DNAH7: variants seen among roughly 807,000 people sequenced by gnomAD.
DNAH7 encodes the protein dynein axonemal heavy chain 7.
A neutral mutation model predicts 444.6 loss-of-function variants in DNAH7; 397 were observed. That is an observed-to-expected ratio of 0.89 (90% CI 0.82 to 0.97). The LOEUF (loss-of-function observed/expected upper bound fraction) is 0.97, where lower values mean the gene tolerates loss of function less well. Ranked by LOEUF, DNAH7 falls within the 50% of genes least tolerant of loss-of-function variation. The probability of loss-of-function intolerance (pLI) is 0.00; values close to 1 mark genes in which losing one functional copy is unlikely to be tolerated. For missense variants in DNAH7, 4,902 were observed against 4,800.8 expected, an observed-to-expected ratio of 1.02 and a Z score of -0.62; for synonymous variants, 1,636 against 1,624.4, an observed-to-expected ratio of 1.01 and a Z score of -0.17.
chr2:195,950,079 TC>T (rs1292266933), intron 19 of DNAH7, among the ~76,000 whole-genome samples: 3 of 152,180 alleles, frequency 2.0e-5, no homozygotes, highest in Admixed American at 2.0e-4. Flanking sequence ...TTGTTGTGTC[TC>T]TGCCAGGTTT....
chr2:196,032,950 A>C (rs571762522), intron 5 of DNAH7, among the ~76,000 whole-genome samples: 51 of 152,350 alleles, frequency 3.3e-4, no homozygotes, highest in Admixed American at 2.7e-3. Flanking sequence ...TTGCACTAAT[A>C]TATAAAAAGC....
chr2:195,870,568 A>T (rs1700617505), intron 40 of DNAH7, among the ~76,000 whole-genome samples: 1 of 152,198 alleles, frequency 6.6e-6, no homozygotes, highest in South Asian at 2.1e-4. Flanking sequence ...TTCCCCCTAA[A>T]TTTATATGTT....
chr2:196,039,285 T>TA (rs1423357973), intron 5 of DNAH7, among the ~76,000 whole-genome samples: 1 of 151,952 alleles, frequency 6.6e-6, no homozygotes, highest in Non-Finnish European at 1.5e-5. Flanking sequence ...AAGATGGAAA[T>TA]AAAAAATTTC....
chr2:195,897,098 C>T (rs1313141502), intron 29 of DNAH7, among the ~76,000 whole-genome samples: 1 of 152,094 alleles, frequency 6.6e-6, no homozygotes, highest in Non-Finnish European at 1.5e-5. Context: ...AGTTCTTCTA[C>T]CTGGTATGGA....
intron 24 of DNAH7, among the ~76,000 whole-genome samples, chr2:195,916,383 T>A (rs928232005): frequency 3.3e-5 from 5 of 152,108 alleles, no homozygotes; most frequent in Admixed American, 6.5e-5. Context: ...TGGAGTGTGG[T>A]TGTTACAGTA....
chr2:195,943,254 T>G (rs1266016482), intron 19 of DNAH7, among the ~76,000 whole-genome samples: 4 of 152,144 alleles, frequency 2.6e-5, no homozygotes, highest in Non-Finnish European at 5.9e-5. Flanking sequence ...CATACACAGA[T>G]AGAGCAAATT....
At chr2:195,985,369 A>G (rs745974945) in intron 14 of DNAH7, among the ~76,000 whole-genome samples, 21 of 152,178 alleles carry the variant, frequency 1.4e-4, no homozygotes, top group Non-Finnish European at 2.4e-4. Flanking sequence ...CATGTTTGTA[A>G]CCTTCAGAGG....
At chr2:195,863,765 T>G (rs1197729399) in intron 41 of DNAH7, among the ~76,000 whole-genome samples, 3 of 152,188 alleles carry the variant, frequency 2.0e-5, no homozygotes, top group African/African-American at 7.2e-5. Context: ...CTTCCTGCTA[T>G]TGCTCCACCT....
At chr2:195,757,184 C>G (rs1460926056) in intron 61 of DNAH7, among the ~76,000 whole-genome samples, 2 of 152,158 alleles carry the variant, frequency 1.3e-5, no homozygotes, top group African/African-American at 4.8e-5. Context: ...TACTCGCTAC[C>G]TATTAAATCA....
In DNAH7 at chr2:195,858,647, T is replaced by C. The variant is rs762568741; in HGVS notation, c.7894A>G (p.Lys2632Glu). Residue 2632 changes from lysine (K) to glutamate (E), a missense_variant, in exon 43 of 65, where the codon AAA becomes GAA. Physicochemically the swap from Lys to Glu is moderately conservative, Grantham distance 56. Transcript: ENST00000312428. ...EVDEMMIMIE[K>E]ESVEVAKTEK... The stretch of plus-strand genomic sequence containing the variant: ...GTTTTGGCAACTTCTACAGACTCTT[T>C]CTCAATCATTATCATCATTTCATCA... 26 of 1,613,970 alleles carry C rather than the reference T, an allele frequency of 1.6e-5. No individual in the cohort carries two copies. The South Asian group carries it at 2.5e-4, about 16-fold the overall frequency.
intron 16 of DNAH7, among the ~76,000 whole-genome samples, chr2:195,971,631 C>T (rs952432328): frequency 6.6e-6 from 1 of 151,932 alleles, no homozygotes; most frequent in East Asian, 1.9e-4. Context: ...GTGCAGGAGA[C>T]AAGAAGCATA....
chr2:195,895,456 G>T (rs1233429577), intron 29 of DNAH7, among the ~76,000 whole-genome samples: 1 of 151,812 alleles, frequency 6.6e-6, no homozygotes, highest in African/African-American at 2.4e-5. Context: ...GGTTTGTTTT[G>T]TTTGAGACAG....
At chr2:195,778,985 A>C (rs976275601) in intron 58 of DNAH7, among the ~76,000 whole-genome samples, 4 of 151,790 alleles carry the variant, frequency 2.6e-5, no homozygotes, top group African/African-American at 9.7e-5. Flanking sequence ...CTGGGACTAC[A>C]GGCATGTGCC....
intron 3 of DNAH7, among the ~76,000 whole-genome samples, chr2:196,050,007 A>C (rs1248778981): frequency 6.6e-6 from 1 of 152,240 alleles, no homozygotes; most frequent in African/African-American, 2.4e-5. Flanking sequence ...CAATAAAAGC[A>C]TATTTTCAAT....
At chr2:195,769,975 T>C (rs1295511821) in intron 61 of DNAH7, among the ~76,000 whole-genome samples, 2 of 152,178 alleles carry the variant, frequency 1.3e-5, no homozygotes, top group Admixed American at 6.5e-5. Context: ...GACCAAAATA[T>C]AATTCTTGAT....
At chr2:195,949,575 C>T (rs916859085) in intron 19 of DNAH7, among the ~76,000 whole-genome samples, 22 of 152,080 alleles carry the variant, frequency 1.4e-4, no homozygotes, top group Non-Finnish European at 2.8e-4. Flanking sequence ...TGAGCCACAG[C>T]GCCTGGCTTA....
intron 24 of DNAH7, among the ~76,000 whole-genome samples, chr2:195,910,811 AC>A (rs1415364796): frequency 3.0e-4 from 46 of 152,200 alleles, no homozygotes; most frequent in Non-Finnish European, 4.9e-4. Flanking sequence ...CTGGAGAGAG[AC>A]AAAGAAGAGT....
At chr2:195,784,609 T>C (rs1355571380) in intron 58 of DNAH7, among the ~76,000 whole-genome samples, 1 of 152,146 alleles carries the variant, frequency 6.6e-6, no homozygotes, top group East Asian at 1.9e-4. Context: ...ACTGGGAAAA[T>C]ACAAAGGAGC....
chr2:196,001,581 GC>G (rs1389643222), intron 11 of DNAH7, 93 bp downstream of exon 11: 1 of 1,179,312 alleles, frequency 8.5e-7, no homozygotes, highest in Non-Finnish European at 1.1e-6. Context: ...TGTACTTTCT[GC>G]CCTCTCACTG....
Sources: allele counts gnomAD v4.1 joint callset (sites outside exome capture counted in the v4.1 genomes callset), GRCh38; gene constraint gnomAD v4.1.1; transcripts MANE v1.5; gene names NCBI Gene and HGNC (gene_info 2026-07-23, HGNC 2026-07-21).